PIKFYVE: variants seen among roughly 807,000 people sequenced by gnomAD.
PIKFYVE encodes the protein 1-phosphatidylinositol 3-phosphate 5-kinase.
Under a neutral mutation model 257.9 loss-of-function variants are expected in PIKFYVE, and 122 were observed. The ratio of observed to expected loss-of-function variants is 0.47; its 90% CI spans 0.41 to 0.55. PIKFYVE has a LOEUF of 0.55. Among genes scored for constraint, PIKFYVE ranks in the 20% least tolerant of loss-of-function variants. The probability of loss-of-function intolerance (pLI) is 0.00; values close to 1 mark genes in which losing one functional copy is unlikely to be tolerated. For synonymous variants in PIKFYVE, 892 were observed against 868.9 expected, an observed-to-expected ratio of 1.03 and a Z score of -0.47; for missense variants, 2,160 against 2,536.6, an observed-to-expected ratio of 0.85 and a Z score of 3.19.
intron 32 of PIKFYVE, among the ~76,000 whole-genome samples, chr2:208,344,701 A>G (rs1699064682): frequency 1.1e-5 from 1 of 94,956 alleles, no homozygotes; most frequent in South Asian, 4.3e-4. Context: ...TTTGGTTAAT[A>G]GAACATTAAA....
chr2:208,293,400 G>T (rs936625654), intron 7 of PIKFYVE, among the ~76,000 whole-genome samples: 3 of 151,988 alleles, frequency 2.0e-5, no homozygotes, highest in Non-Finnish European at 2.9e-5. Flanking sequence ...TGTATTAATA[G>T]ATGTAAGTTT....
Position 208,316,324 on chromosome 2 carries a change from C to T in PIKFYVE, c.2007+951C>T, listed in dbSNP as rs533387507. Among the ~76,000 whole-genome samples, 176 of 152,070 alleles carry T rather than the reference C, an allele frequency of 1.2e-3. 7 individuals are homozygous for T. In the South Asian group the frequency reaches 0.035, roughly 30 times the overall value. On this transcript the variant is annotated intron_variant, in intron 15 of 41. Transcript: ENST00000264380. ...AAGTCTTTGCTATTGTGAATAGTGC[C>T]GCAATAAACATAATGTGTGCATGTG...
chr2:208,284,280 C>T (rs1309369768), intron 5 of PIKFYVE, among the ~76,000 whole-genome samples: 1 of 147,302 alleles, frequency 6.8e-6, no homozygotes, highest in Admixed American at 6.8e-5. Context: ...TTTTTTTTCC[C>T]AGACAGTTTC....
In PIKFYVE at chr2:208,325,308, C is replaced by A. The variant is rs755629258; in HGVS notation, c.2497C>A (p.Gln833Lys). 2.5e-6 allele frequency: 4 copies of A among 1,614,120 alleles called. No homozygotes were observed. In the South Asian group the frequency reaches 4.4e-5, roughly 18 times the overall value. Residue 833 changes from glutamine (Q) to lysine (K), a missense_variant, in exon 20 of 42, where the codon CAG becomes AAG. Coordinates refer to ENST00000264380, the MANE Select transcript of PIKFYVE (RefSeq NM_015040.4). ...KTLMFFEGCP[Q>K]HLGCTIKLRG... ...ACTGATGTTTTTTGAAGGTTGTCCACAGCACCTAGGCTGTACAATCAAGCT... is the reference window on the plus strand; with the variant it reads ...ACTGATGTTTTTTGAAGGTTGTCCAAAGCACCTAGGCTGTACAATCAAGCT...
rs557744059 is a variant in PIKFYVE, at chr2:208,358,516, A to G, written c.*3211A>G. On this transcript the variant is annotated 3_prime_UTR_variant, in exon 42 of 42. Coordinates refer to ENST00000264380, the MANE Select transcript of PIKFYVE (RefSeq NM_015040.4). ...AAAAATGTACATTATGTCTTTTGAC[A>G]TGTTGAATTTTAAACTAGGGAAATG... 1.3e-5 allele frequency: 2 copies of G among 152,618 alleles called. No homozygotes were observed. Among genetic ancestry groups the G allele is most frequent in the Admixed American group, 1.3e-4 (2 of 15,266 alleles). 9.5% of individuals were successfully genotyped at this position (152,618 alleles called of 1,614,324 possible).
At chr2:208,353,755 T>G in intron 39 of PIKFYVE, 143 bp from the exon 40 acceptor site, 1 of 957,174 alleles carries the variant, frequency 1.0e-6, no homozygotes, top group Non-Finnish European at 1.6e-6. Flanking sequence ...ACTTAAAAAT[T>G]ATGATTCAAT....
rs990724252 is a variant in PIKFYVE at position 208,354,224 on chromosome 2, A to G, written c.6106+65A>G. 76 of 1,540,074 alleles carry G rather than the reference A, an allele frequency of 4.9e-5. No homozygotes were observed. In the Admixed American group the frequency reaches 5.4e-4, roughly 11 times the overall value. On this transcript the variant is annotated intron_variant, in intron 40 of 41. Transcript: ENST00000264380. ...GTCAGAGTCAAATTTTAAAGATTCT[A>G]TTGAACCTGGTCTAATAATAGCTTA...
rs1480424890 is a variant in PIKFYVE, at chr2:208,314,826, G to C, written c.1827-367G>C. ...CAGGAGGATTGCTTGAACTCAAGAGGCGGAGGTTGCAGTGAGCTGAGATCG... is the reference window on the plus strand; with the variant it reads ...CAGGAGGATTGCTTGAACTCAAGAGCCGGAGGTTGCAGTGAGCTGAGATCG... On this transcript the variant is annotated intron_variant, in intron 14 of 41. Transcript: ENST00000264380. Among the ~76,000 whole-genome samples, 6 of 152,190 alleles carry C rather than the reference G, an allele frequency of 3.9e-5. 1 individual carries two copies. The South Asian group carries it at 1.2e-3, about 32-fold the overall frequency.
chr2:208,338,880 A>C (rs1031201621), intron 29 of PIKFYVE, among the ~76,000 whole-genome samples: 2 of 152,222 alleles, frequency 1.3e-5, no homozygotes, highest in African/African-American at 2.4e-5. Flanking sequence ...CAAAAATCTT[A>C]TAAAGTTTAA....
intron 17 of PIKFYVE, among the ~76,000 whole-genome samples, chr2:208,320,668 A>C (rs957082575): frequency 2.0e-5 from 3 of 152,206 alleles, no homozygotes; most frequent in Non-Finnish European, 4.4e-5. Context: ...TCTGGTTTGT[A>C]ATACAGTCTA....
chr2:208,292,524 T>C (rs1316666051), intron 7 of PIKFYVE, among the ~76,000 whole-genome samples: 1 of 152,144 alleles, frequency 6.6e-6, no homozygotes, highest in Non-Finnish European at 1.5e-5. Context: ...TTTTGGAATA[T>C]TGATTTCTTT....
chr2:208,268,610 T>C (rs1455686924), intron 1 of PIKFYVE, among the ~76,000 whole-genome samples: 1 of 150,926 alleles, frequency 6.6e-6, no homozygotes, highest in Non-Finnish European at 1.5e-5. Context: ...AAACACAAAC[T>C]TTTTTTTGAG....
At chr2:208,302,569 T>A in intron 10 of PIKFYVE, 1 of 531,768 alleles carries the variant, frequency 1.9e-6, no homozygotes, top group East Asian at 3.5e-5. Flanking sequence ...TTAAATTTGA[T>A]CAGACAATAA....
At chr2:208,312,150 C>T (rs537592981) in intron 12 of PIKFYVE, 86 bp from the exon 13 acceptor site, 7 of 973,572 alleles carry the variant, frequency 7.2e-6, no homozygotes, top group Admixed American at 1.8e-5. Context: ...TGTGTGTGGG[C>T]GTATTCTCTA....
In PIKFYVE at chr2:208,335,805, A is replaced by T. The variant is rs1255464485; in HGVS notation, c.4269A>T (p.Val1423=). ...TCGCTATTGTTAGAGTTTCACAGGTATATGTTGCCATTGATGAAAGACTTG... is the reference window on the plus strand; with the variant it reads ...TCGCTATTGTTAGAGTTTCACAGGTTTATGTTGCCATTGATGAAAGACTTG... ...LKDFFQKVSQ[V]YVAIDERLAS... The change falls in exon 26 of 42, where the codon GTA becomes GTT. Residue 1423 remains valine (V), a synonymous_variant. Transcript: ENST00000264380. 9 of 1,610,926 alleles carry T rather than the reference A, an allele frequency of 5.6e-6. No homozygotes were observed. Among genetic ancestry groups the T allele is most frequent in the Middle Eastern group, 1.7e-4 (1 of 6,038 alleles).
intron 36 of PIKFYVE, 46 bp downstream of exon 36, chr2:208,350,129 G>T (rs376619668): frequency 1.9e-6 from 3 of 1,604,968 alleles, no homozygotes; most frequent in African/African-American, 2.7e-5. Flanking sequence ...AGGGACTACA[G>T]TTGAGCCATC....
At chr2:208,342,475 G>A in intron 31 of PIKFYVE, 79 bp from the exon 32 acceptor site, 1 of 1,019,960 alleles carries the variant, frequency 9.8e-7, no homozygotes, top group Admixed American at 1.8e-5. Context: ...TATCATATCT[G>A]CATACATTTT....
At chr2:208,305,171 C>G in intron 12 of PIKFYVE, 158 bp downstream of exon 12, 5 of 1,527,162 alleles carry the variant, frequency 3.3e-6, no homozygotes, top group Non-Finnish European at 4.4e-6. Flanking sequence ...CACACCTCCT[C>G]CCCATACCTT....
intron 30 of PIKFYVE, among the ~76,000 whole-genome samples, chr2:208,339,781 C>T (rs1698529233): frequency 6.6e-6 from 1 of 152,102 alleles, no homozygotes; most frequent in Admixed American, 6.6e-5. Flanking sequence ...CACAGTGCTT[C>T]AGAGATGTTT....
Sources: gnomAD v4.1 joint callset for allele counts (sites outside exome capture counted in the v4.1 genomes callset) on GRCh38, gnomAD v4.1.1 for gene constraint, MANE v1.5 for transcripts, NCBI Gene and HGNC (gene_info 2026-07-23, HGNC 2026-07-21) for gene names.